Variants in CDH4 observed in about 807,000 individuals in gnomAD.
The protein encoded by CDH4 is cadherin-4.
A neutral mutation model predicts 86.0 loss-of-function variants in CDH4; 33 were observed. The ratio of observed to expected loss-of-function variants is 0.38; its 90% CI spans 0.29 to 0.51. The LOEUF (loss-of-function observed/expected upper bound fraction) is 0.51, where lower values mean the gene tolerates loss of function less well. Among genes scored for constraint, CDH4 ranks in the 20% least tolerant of loss-of-function variants. The pLI, the probability that CDH4 is intolerant of heterozygous loss-of-function variation, is 0.86. For missense variants in CDH4, 1,114 were observed against 1,307.4 expected (o/e 0.85, Z 2.28); for synonymous variants, 555 against 549.4 (o/e 1.01, Z -0.14).
intron 2 of CDH4, among the ~76,000 whole-genome samples, chr20:61,686,805 G>T (rs2087584871): frequency 6.6e-6 from 1 of 152,212 alleles, no homozygotes; most frequent in South Asian, 2.1e-4. Context: ...ATGTCCACTT[G>T]CATGCATGTG....
intron 6 of CDH4, among the ~76,000 whole-genome samples, chr20:61,869,008 GACGTGGCAA>G (rs1302490230): frequency 6.6e-6 from 1 of 152,300 alleles, no homozygotes; most frequent in South Asian, 2.1e-4. Context: ...AAAGCCTCTA[GACGTGGCAA>G]ACGTGGCAAG....
chr20:61,780,013 G>A (rs1004574052), intron 4 of CDH4, among the ~76,000 whole-genome samples: 2 of 152,194 alleles, frequency 1.3e-5, no homozygotes, highest in Non-Finnish European at 2.9e-5. Flanking sequence ...AATGACTCAC[G>A]TGGCAGTCAT....
At chr20:61,380,588 C>T (rs1229376896) in intron 2 of CDH4, among the ~76,000 whole-genome samples, 2 of 143,430 alleles carry the variant, frequency 1.4e-5, no homozygotes, top group African/African-American at 5.3e-5. Flanking sequence ...CAGCAAGTTG[C>T]GATGATGAGA....
At chr20:61,597,399 C>T (rs545535688) in intron 2 of CDH4, among the ~76,000 whole-genome samples, 19 of 152,322 alleles carry the variant, frequency 1.2e-4, no homozygotes, top group African/African-American at 4.6e-4. Context: ...GTCCCCACAT[C>T]GTCCTCACCA....
intron 2 of CDH4, among the ~76,000 whole-genome samples, chr20:61,460,391 G>A (rs1322875038): frequency 6.6e-6 from 1 of 152,220 alleles, no homozygotes; most frequent in East Asian, 1.9e-4. Context: ...TCTCTCAGCT[G>A]GGCCCCAGAA....
At chr20:61,659,842 A>G (rs2087233793) in intron 2 of CDH4, among the ~76,000 whole-genome samples, 1 of 151,866 alleles carries the variant, frequency 6.6e-6, no homozygotes, top group African/African-American at 2.4e-5. Flanking sequence ...GTGGGCGGGC[A>G]GAGGCAGGGC....
chr20:61,407,803 C>CA (rs1413143996), intron 2 of CDH4, among the ~76,000 whole-genome samples: 1 of 152,128 alleles, frequency 6.6e-6, no homozygotes, highest in Non-Finnish European at 1.5e-5. Context: ...TGCACAGTGA[C>CA]ATCAGTGACT....
intron 4 of CDH4, among the ~76,000 whole-genome samples, chr20:61,786,068 G>T (rs1278645330): frequency 6.6e-6 from 1 of 152,122 alleles, no homozygotes; most frequent in East Asian, 1.9e-4. Context: ...CAGGATGGGA[G>T]GAACTGCTCT....
At chr20:61,853,865 C>T (rs1166296548) in intron 6 of CDH4, among the ~76,000 whole-genome samples, 7 of 152,146 alleles carry the variant, frequency 4.6e-5, no homozygotes, top group Admixed American at 6.5e-5. Flanking sequence ...AACCTTTGCC[C>T]GGCTTGGGTT....
chr20:61,570,554 A>G, intron 2 of CDH4: 1 of 652,018 alleles, frequency 1.5e-6, no homozygotes, highest in African/African-American at 1.9e-5. Flanking sequence ...TTTACATCCA[A>G]GCGTTGACTT....
At chr20:61,553,530 A>C (rs1404266236) in intron 2 of CDH4, among the ~76,000 whole-genome samples, 1 of 152,222 alleles carries the variant, frequency 6.6e-6, no homozygotes, top group African/African-American at 2.4e-5. Context: ...ATCCTTGTGC[A>C]TGTCCTTGAT....
intron 2 of CDH4, among the ~76,000 whole-genome samples, chr20:61,593,088 C>G (rs1313019007): frequency 6.6e-6 from 1 of 152,166 alleles, no homozygotes; most frequent in Non-Finnish European, 1.5e-5. Context: ...TGATTCTACC[C>G]AGAAGCCTCC....
chr20:61,919,760 G>A (rs112297503), intron 9 of CDH4, among the ~76,000 whole-genome samples: 3,188 of 151,198 alleles, frequency 0.021, 107 homozygotes, highest in African/African-American at 0.073. Flanking sequence ...TCATGGTTGC[G>A]TGGAAGCGTG....
rs571696836 is a variant in CDH4 at position 61,297,155 on chromosome 20, G to A, written c.169+42218G>A. ...AATCCCAGCACTTTGGGAGGCCAAGGCAGGTGGATCAGCTGAGGTCAGGAG... is the reference window on the plus strand; with the variant it reads ...AATCCCAGCACTTTGGGAGGCCAAGACAGGTGGATCAGCTGAGGTCAGGAG... On this transcript the variant is annotated intron_variant, in intron 2 of 15. Coordinates refer to ENST00000614565, the MANE Select transcript of CDH4 (RefSeq NM_001794.5). Among the ~76,000 whole-genome samples the A allele has an allele frequency of 1.3e-4, 20 of 152,320 alleles. No individual in the cohort carries two copies. The South Asian group carries it at 4.1e-3, about 32-fold the overall frequency.
chr20:61,691,428 C>T (rs73915331), intron 2 of CDH4, among the ~76,000 whole-genome samples: 2,019 of 150,268 alleles, frequency 0.013, 46 homozygotes, highest in African/African-American at 0.042. Context: ...TGTGTGTGTG[C>T]GTGTGCATGT....
intron 2 of CDH4, among the ~76,000 whole-genome samples, chr20:61,734,405 C>T (rs980472352): frequency 6.6e-6 from 1 of 152,200 alleles, no homozygotes; most frequent in Non-Finnish European, 1.5e-5. Context: ...AGGTTTGCAC[C>T]AGCTGCAAGC....
chr20:61,264,611 G>T (rs1190609679), intron 2 of CDH4, among the ~76,000 whole-genome samples: 1 of 142,548 alleles, frequency 7.0e-6, no homozygotes, highest in African/African-American at 2.7e-5. Flanking sequence ...CCTTCATTCA[G>T]TCCTACACAT....
At chr20:61,382,577 G>A (rs891415270) in intron 2 of CDH4, among the ~76,000 whole-genome samples, 5 of 152,158 alleles carry the variant, frequency 3.3e-5, no homozygotes, top group Non-Finnish European at 7.3e-5. Context: ...AAAACCACAG[G>A]GACTTATCTT....
intron 2 of CDH4, among the ~76,000 whole-genome samples, chr20:61,581,986 T>C (rs1470950272): frequency 6.6e-6 from 1 of 152,166 alleles, no homozygotes; most frequent in Non-Finnish European, 1.5e-5. Context: ...TGGCTGAGCT[T>C]TGCCCTCAAG....
Sources: allele counts gnomAD v4.1 joint callset (sites outside exome capture counted in the v4.1 genomes callset), GRCh38; gene constraint gnomAD v4.1.1; transcripts MANE v1.5; gene names NCBI Gene and HGNC (gene_info 2026-07-23, HGNC 2026-07-21).